LARGE1: variants seen among roughly 807,000 people sequenced by gnomAD.
LARGE1 encodes LARGE xylosyl- and glucuronyltransferase 1, also known as xylosyl- and glucuronyltransferase LARGE1.
A neutral mutation model predicts 87.6 loss-of-function variants in LARGE1; 43 were observed. That is an observed-to-expected ratio of 0.49 (90% CI 0.38 to 0.63). LARGE1 has a LOEUF of 0.63. LARGE1 is among the 30% of genes least tolerant of loss of function. LARGE1 has a pLI of 0.00. For missense variants in LARGE1, 802 were observed against 1,000.2 expected, an observed-to-expected ratio of 0.80 and a Z score of 2.67; for synonymous variants, 434 against 394.6, an observed-to-expected ratio of 1.10 and a Z score of -1.18.
intron 9 of LARGE1, among the ~76,000 whole-genome samples, chr22:33,358,280 T>A (rs778190758): frequency 7.8e-6 from 1 of 128,720 alleles, no homozygotes; most frequent in Non-Finnish European, 1.6e-5. Context: ...AGATTTTAGA[T>A]CTTCTCCCCC....
At chr22:33,612,294 G>A (rs1427449890) in intron 4 of LARGE1, among the ~76,000 whole-genome samples, 1 of 152,120 alleles carries the variant, frequency 6.6e-6, no homozygotes, top group Non-Finnish European at 1.5e-5. Flanking sequence ...AGTAGAGATG[G>A]GGTTTCACCA....
intron 1 of LARGE1, among the ~76,000 whole-genome samples, chr22:33,884,382 A>G (rs1460947104): frequency 6.6e-6 from 1 of 152,218 alleles, no homozygotes; most frequent in Non-Finnish European, 1.5e-5. Flanking sequence ...ACACACTGCT[A>G]TCATTCAGGG....
chr22:33,848,736 C>T (rs1185855136), intron 1 of LARGE1, among the ~76,000 whole-genome samples: 2 of 152,180 alleles, frequency 1.3e-5, no homozygotes, highest in Non-Finnish European at 2.9e-5. Context: ...TTACTCAAGA[C>T]AAGACCCTTT....
chr22:33,685,597 A>G (rs2023146584), intron 2 of LARGE1, among the ~76,000 whole-genome samples: 1 of 152,216 alleles, frequency 6.6e-6, no homozygotes, highest in African/African-American at 2.4e-5. Flanking sequence ...ACTCAAGCAT[A>G]TGAATTATAA....
intron 1 of LARGE1, among the ~76,000 whole-genome samples, chr22:33,865,065 T>C (rs1161178207): frequency 6.6e-6 from 1 of 152,208 alleles, no homozygotes; most frequent in Non-Finnish European, 1.5e-5. Context: ...TGCACTGTTA[T>C]CATAAAGTAC....
At chr22:33,247,414 C>T (rs1220652931) in intron 11 of LARGE1, among the ~76,000 whole-genome samples, 1 of 152,128 alleles carries the variant, frequency 6.6e-6, no homozygotes, top group African/African-American at 2.4e-5. Flanking sequence ...ATCATTACAG[C>T]TGATAATTTT....
At chr22:33,411,603 T>C (rs1306912379) in intron 7 of LARGE1, among the ~76,000 whole-genome samples, 4 of 152,220 alleles carry the variant, frequency 2.6e-5, no homozygotes, top group Non-Finnish European at 5.9e-5. Flanking sequence ...ACATTTAATA[T>C]AGCAGTACCA....
intron 1 of LARGE1, among the ~76,000 whole-genome samples, chr22:33,823,765 T>C (rs1278006605): frequency 1.3e-5 from 2 of 152,174 alleles, no homozygotes; most frequent in Admixed American, 6.5e-5. Context: ...TGGAGAGAGC[T>C]CTTTCTGCTG....
intron 10 of LARGE1, among the ~76,000 whole-genome samples, chr22:33,332,074 A>G (rs57281499): frequency 0.16 from 23,836 of 152,116 alleles, 3,616 homozygotes; most frequent in African/African-American, 0.4. Context: ...GCTGCCTGCT[A>G]GAACACTAGC....
chr22:33,625,080 A>ATC (rs2079880245), intron 4 of LARGE1, among the ~76,000 whole-genome samples: 1 of 152,104 alleles, frequency 6.6e-6, no homozygotes, highest in Non-Finnish European at 1.5e-5. Context: ...TTTTACACTG[A>ATC]TCTCTGTTCA....
chr22:33,749,248 G>A (rs1044167517), intron 2 of LARGE1, among the ~76,000 whole-genome samples: 2 of 152,174 alleles, frequency 1.3e-5, no homozygotes, highest in Non-Finnish European at 2.9e-5. Flanking sequence ...CAGAGTAGCT[G>A]GGATTACAGG....
At chr22:33,751,263 C>G (rs1361058369) in intron 2 of LARGE1, among the ~76,000 whole-genome samples, 2 of 152,050 alleles carry the variant, frequency 1.3e-5, no homozygotes, top group African/African-American at 4.8e-5. Flanking sequence ...GGCAGATCAC[C>G]TGAGGTCAGG....
intron 2 of LARGE1, among the ~76,000 whole-genome samples, chr22:33,746,048 T>A (rs1379361388): frequency 6.6e-6 from 1 of 152,224 alleles, no homozygotes; most frequent in Non-Finnish European, 1.5e-5. Context: ...AACTTCTCTG[T>A]GCCTCTGTTC....
At chr22:33,599,606 C>T (rs959840808) in intron 5 of LARGE1, among the ~76,000 whole-genome samples, 6 of 152,200 alleles carry the variant, frequency 3.9e-5, no homozygotes, top group African/African-American at 7.2e-5. Flanking sequence ...CAGTCCACTG[C>T]GAATTTCCCA....
Position 33,667,041 on chromosome 22 carries a change from CCT to C in LARGE1, c.107-16375_107-16374del, listed in dbSNP as rs772045751. Among the ~76,000 whole-genome samples the C allele has an allele frequency of 3.3e-4, 51 of 152,252 alleles. 1 individual carries two copies. The highest frequency in any genetic ancestry group is 1.9e-3 in the South Asian group (9 of 4,824). ...CAAAATCCAGAGCTCACATAGGAGA[CCT>C]CTCTCTCTCCAGATCCCAGAAGGCT... On this transcript the variant is annotated intron_variant, in intron 2 of 14. Coordinates refer to ENST00000397394, the MANE Select transcript of LARGE1 (RefSeq NM_133642.5).
At chr22:33,296,554 T>C (rs562742055) in intron 12 of LARGE1, among the ~76,000 whole-genome samples, 7 of 150,680 alleles carry the variant, frequency 4.6e-5, no homozygotes, top group African/African-American at 1.7e-4. Context: ...AGTTATCCTT[T>C]TTCTTTTTTC....
At position 33,790,079 on chromosome 22, in the gene LARGE1, A is replaced by G. The variant is rs186764711; in HGVS notation, c.-82-28521T>C. On this transcript the variant is annotated intron_variant, in intron 1 of 14. Coordinates refer to ENST00000397394, the MANE Select transcript of LARGE1 (RefSeq NM_133642.5). ...CCTTGAATTGTAATAATCCCCACACATCAAGGGCGGCACTAGGTGGAGATA... is the reference window on the plus strand; with the variant it reads ...CCTTGAATTGTAATAATCCCCACACGTCAAGGGCGGCACTAGGTGGAGATA... 3.0e-3 allele frequency among the ~76,000 whole-genome samples: 456 copies of G among 152,264 alleles called. 4 individuals are homozygous for G. The highest frequency in any genetic ancestry group is 0.01 in the African/African-American group (431 of 41,558).
In LARGE1 at chr22:33,223,206, A is replaced by C. The variant is rs5998821; in HGVS notation, c.1731-56374T>G. On this transcript the variant is annotated intron_variant, in intron 11 of 11. Transcript: ENST00000608642. ...TTGGCCTCTCAGGTGGAGAAAGTAG[A>C]CTGTTATTCGTTCGCTTCCTAAAGC... is the stretch of plus-strand genomic sequence containing the variant. 4.8e-3 allele frequency among the ~76,000 whole-genome samples: 734 copies of C among 152,304 alleles called. 7 individuals carry two copies. Among genetic ancestry groups the C allele is most frequent in the African/African-American group, 0.017 (694 of 41,580 alleles).
At chr22:33,783,123 G>T (rs774974515) in intron 1 of LARGE1, among the ~76,000 whole-genome samples, 4 of 151,952 alleles carry the variant, frequency 2.6e-5, no homozygotes, top group Non-Finnish European at 5.9e-5. Flanking sequence ...AGGGCCAAAA[G>T]CTTGTTTTCT....
Sources: allele counts gnomAD v4.1 joint callset (sites outside exome capture counted in the v4.1 genomes callset), GRCh38; gene constraint gnomAD v4.1.1; transcripts MANE v1.5; gene names NCBI Gene and HGNC (gene_info 2026-07-23, HGNC 2026-07-21).